Variants in UNC13C observed in about 807,000 individuals in gnomAD.
UNC13C encodes the protein unc-13 homolog C, also known as protein unc-13 homolog C.
UNC13C carries 174 observed loss-of-function variants against 245.4 expected under a neutral mutation model. That is an observed-to-expected ratio of 0.71 (90% CI 0.63 to 0.80). UNC13C has a LOEUF of 0.80. Among genes scored for constraint, UNC13C ranks in the 30% least tolerant of loss-of-function variants. UNC13C has a pLI of 0.00. For synonymous variants in UNC13C, 992 were observed against 895.1 expected (o/e 1.11, Z -1.93); for missense variants, 2,829 against 2,602.9 (o/e 1.09, Z -1.89).
the UNC13C span, among the ~76,000 whole-genome samples, chr15:53,930,100 G>A: frequency 6.6e-6 from 1 of 152,096 alleles, no homozygotes; most frequent in Non-Finnish European, 1.5e-5. Flanking sequence ...CATGCAAGGT[G>A]GCCTTTCTCA....
At chr15:53,866,874 A>G in the UNC13C span, among the ~76,000 whole-genome samples, 2 of 152,232 alleles carry the variant, frequency 1.3e-5, no homozygotes, top group South Asian at 2.1e-4. Flanking sequence ...TAAAACCATC[A>G]TCTAACATAA....
At chr15:54,325,188 A>G (rs1014948984) in intron 14 of UNC13C, among the ~76,000 whole-genome samples, 1 of 152,022 alleles carries the variant, frequency 6.6e-6, no homozygotes, top group African/African-American at 2.4e-5. Flanking sequence ...AGCAGTGCCC[A>G]TGATAATAAT....
chr15:54,215,067 G>A (rs937726136), intron 4 of UNC13C, among the ~76,000 whole-genome samples: 1 of 151,892 alleles, frequency 6.6e-6, no homozygotes, highest in African/African-American at 2.4e-5. Flanking sequence ...ACATTATGGA[G>A]GGAGTAAGGT....
At chr15:54,049,817 C>A in intron 2 of UNC13C, 1 of 251,114 alleles carries the variant, frequency 4.0e-6, no homozygotes, top group South Asian at 5.6e-5. Context: ...TAATAGGATG[C>A]TCATGAGATT....
rs573454945 is a variant in UNC13C, at chr15:54,496,831, G to C, written c.5060+2097G>C. On this transcript the variant is annotated intron_variant, in intron 20 of 32. Coordinates refer to ENST00000260323, the MANE Select transcript of UNC13C (RefSeq NM_001080534.3). ...GAGGACTTGAGGGAAAGGGAAGTTGGGGGGGAAGGATAAAAGACTACACAT... is the reference window on the plus strand; with the variant it reads ...GAGGACTTGAGGGAAAGGGAAGTTGCGGGGGAAGGATAAAAGACTACACAT... Among the ~76,000 whole-genome samples the C allele has an allele frequency of 6.6e-5, 10 of 151,114 alleles. No individual in the cohort carries two copies. The East Asian group carries it at 1.2e-3, about 18-fold the overall frequency.
intron 1 of UNC13C, among the ~76,000 whole-genome samples, chr15:53,995,533 G>A (rs996423459): frequency 8.0e-6 from 1 of 124,964 alleles, no homozygotes; most frequent in African/African-American, 3.1e-5. Flanking sequence ...GACTGCTTAA[G>A]TAAAAACTTT....
chr15:54,031,317 G>C (rs771699054), intron 2 of UNC13C, among the ~76,000 whole-genome samples: 5 of 152,234 alleles, frequency 3.3e-5, no homozygotes, highest in South Asian at 2.1e-4. Context: ...TCCGCCTCCC[G>C]GGTTCACGCC....
intron 4 of UNC13C, among the ~76,000 whole-genome samples, chr15:54,228,706 G>A (rs1186049716): frequency 1.3e-5 from 2 of 152,242 alleles, no homozygotes; most frequent in East Asian, 3.9e-4. Context: ...ATTCTGCTAT[G>A]GCTGTGCTGG....
At chr15:54,434,529 A>G (rs1441208240) in intron 19 of UNC13C, among the ~76,000 whole-genome samples, 1 of 152,152 alleles carries the variant, frequency 6.6e-6, no homozygotes, top group African/African-American at 2.4e-5. Context: ...CTGGCTAGCC[A>G]TATGCAGAAA....
chr15:54,241,426 A>G (rs1470594447), intron 7 of UNC13C, among the ~76,000 whole-genome samples: 1 of 152,142 alleles, frequency 6.6e-6, no homozygotes, highest in East Asian at 1.9e-4. Flanking sequence ...CTTCAACCAG[A>G]GCTGTAGGCT....
In UNC13C at chr15:54,014,512, T is replaced by G; in HGVS notation, c.1609T>G (p.Ser537Ala). The change falls in exon 2 of 33, where the codon TCA becomes GCA. Residue 537 changes from serine to alanine, a missense_variant. By Grantham distance (99) the Ser-to-Ala change is moderately conservative. Transcript: ENST00000260323. ...TGCAGATGCAACACCTCTCTGGCACTCACAGAGTGATTTTTTCACTGCTAA... is the reference window on the plus strand; with the variant it reads ...TGCAGATGCAACACCTCTCTGGCACGCACAGAGTGATTTTTTCACTGCTAA... Reference protein sequence around the residue: ...HYADATPLWHSQSDFFTAKLS... With the variant: ...HYADATPLWHAQSDFFTAKLS... 2 of 1,613,856 alleles carry G rather than the reference T, an allele frequency of 1.2e-6. No individual in the cohort carries two copies. The highest frequency in any genetic ancestry group is 3.3e-5 in the Admixed American group (2 of 59,950).
chr15:54,578,477 T>G (rs1301923498), intron 30 of UNC13C, among the ~76,000 whole-genome samples: 1 of 152,250 alleles, frequency 6.6e-6, no homozygotes, highest in Non-Finnish European at 1.5e-5. Context: ...TGACTTCAAG[T>G]GTTCCCTGTT....
At chr15:54,069,740 A>G (rs1898233427) in intron 2 of UNC13C, among the ~76,000 whole-genome samples, 2 of 152,232 alleles carry the variant, frequency 1.3e-5, no homozygotes, top group Non-Finnish European at 2.9e-5. Flanking sequence ...GTAACGTTAG[A>G]TAACGCCTTG....
chr15:53,958,964 C>T, the UNC13C span, among the ~76,000 whole-genome samples: 1 of 152,162 alleles, frequency 6.6e-6, no homozygotes, highest in East Asian at 1.9e-4. Context: ...CTTGCCCTCA[C>T]AGCCTTTGGT....
At position 54,143,670 on chromosome 15, in the gene UNC13C, C is replaced by T; in HGVS notation, c.3057C>T (p.Leu1019=). 1 of 1,613,052 alleles carries T rather than the reference C, an allele frequency of 6.2e-7. No individual in the cohort carries two copies. The highest frequency in any genetic ancestry group is 8.5e-7 in the Non-Finnish European group (1 of 1,179,250). Residue 1019 remains leucine (L), a synonymous_variant, in exon 4 of 33, where the codon CTC becomes CTT. Coordinates refer to ENST00000260323, the MANE Select transcript of UNC13C (RefSeq NM_001080534.3). The stretch of plus-strand genomic sequence containing the variant: ...TGGATGCTTCCAAATTTTCTGCACT[C>T]CAGGTGTGTGGTGGGTAAGTACCTT... ...NDLDASKFSA[L]QVCGGAGGGL...
At chr15:54,236,918 G>A (rs1596060645) in intron 6 of UNC13C, among the ~76,000 whole-genome samples, 3 of 152,086 alleles carry the variant, frequency 2.0e-5, no homozygotes, top group African/African-American at 7.2e-5. Context: ...CCCATATGGA[G>A]GTTCTGATTT....
intron 19 of UNC13C, among the ~76,000 whole-genome samples, chr15:54,434,204 C>G (rs1401235881): frequency 6.6e-6 from 1 of 152,070 alleles, no homozygotes; most frequent in African/African-American, 2.4e-5. Flanking sequence ...CTACCATTGA[C>G]TTTCTTCACA....
chr15:54,096,876 T>C, intron 2 of UNC13C, among the ~76,000 whole-genome samples: 1 of 152,198 alleles, frequency 6.6e-6, no homozygotes, highest in East Asian at 1.9e-4. Flanking sequence ...TTCAAAAGGA[T>C]ATATGATAAA....
chr15:54,621,612 A>C (rs1900801108), intron 30 of UNC13C, among the ~76,000 whole-genome samples: 1 of 152,186 alleles, frequency 6.6e-6, no homozygotes, highest in Non-Finnish European at 1.5e-5. Flanking sequence ...GTGTATGTTC[A>C]TAAAAGATAT....
Sources: allele counts gnomAD v4.1 joint callset (sites outside exome capture counted in the v4.1 genomes callset), GRCh38; gene constraint gnomAD v4.1.1; transcripts MANE v1.5; gene names NCBI Gene and HGNC (gene_info 2026-07-23, HGNC 2026-07-21).